STK39: variants seen among roughly 807,000 people sequenced by gnomAD.
The protein encoded by STK39 is STE20/SPS1-related proline-alanine-rich protein kinase.
A neutral mutation model predicts 77.8 loss-of-function variants in STK39; 20 were observed. That is an observed-to-expected ratio of 0.26 (90% CI 0.18 to 0.37). STK39 has a LOEUF of 0.37. Ranked by LOEUF, STK39 falls within the 10% of genes least tolerant of loss-of-function variation. The pLI is 1.00. For missense variants in STK39, 479 were observed against 656.5 expected (o/e 0.73, Z 2.95); for synonymous variants, 246 against 234.1 (o/e 1.05, Z -0.47).
intron 10 of STK39, among the ~76,000 whole-genome samples, chr2:168,127,537 T>C (rs975052341): frequency 2.0e-5 from 3 of 152,174 alleles, no homozygotes; most frequent in Non-Finnish European, 2.9e-5. Context: ...AAGGAAAGTA[T>C]GGGTTACACA....
chr2:168,147,931 G>A (rs1373780835), intron 5 of STK39, among the ~76,000 whole-genome samples: 5 of 152,130 alleles, frequency 3.3e-5, no homozygotes, highest in African/African-American at 1.2e-4. Context: ...TCTTCCAACT[G>A]CAATCCAGAC....
chr2:168,090,246 A>G (rs1686482171), intron 10 of STK39, among the ~76,000 whole-genome samples: 1 of 152,232 alleles, frequency 6.6e-6, no homozygotes, highest in Non-Finnish European at 1.5e-5. Context: ...CTGTGTCCCT[A>G]TATTTAGAGT....
intron 10 of STK39, among the ~76,000 whole-genome samples, chr2:168,127,613 C>T (rs1687577968): frequency 6.6e-6 from 1 of 152,138 alleles, no homozygotes. Context: ...TGAAATAGTG[C>T]CATAAATTCG....
At chr2:168,240,183 G>C (rs1009889783) in intron 1 of STK39, among the ~76,000 whole-genome samples, 2 of 152,210 alleles carry the variant, frequency 1.3e-5, no homozygotes, top group African/African-American at 2.4e-5. Context: ...CCACTGGCTG[G>C]AGAGTCTGTC....
chr2:168,056,900 T>C (rs1435933942), intron 14 of STK39, among the ~76,000 whole-genome samples: 1 of 152,120 alleles, frequency 6.6e-6, no homozygotes, highest in East Asian at 1.9e-4. Context: ...ATGCAAATGA[T>C]CCAAAGTAGA....
chr2:168,076,688 T>A lies in STK39; in HGVS notation c.1090-1457A>T, dbSNP rs578125678. 5.9e-3 allele frequency among the ~76,000 whole-genome samples: 897 copies of A among 152,110 alleles called. 8 individuals are homozygous for A. The highest frequency in any genetic ancestry group is 0.012 in the African/African-American group (486 of 41,500). On this transcript the variant is annotated intron_variant, in intron 10 of 17. Coordinates refer to ENST00000355999, the MANE Select transcript of STK39 (RefSeq NM_013233.3). ...GCAAATAGTTATGCTCATTTTTTTT[T>A]AAAAAAAGCTTTTTTCTCCAACCCC...
intron 5 of STK39, among the ~76,000 whole-genome samples, chr2:168,157,137 T>C (rs556134899): frequency 6.6e-6 from 1 of 152,256 alleles, no homozygotes; most frequent in Admixed American, 6.6e-5. Flanking sequence ...CTTTTAGTCA[T>C]GGGGTTTTCA....
At position 168,043,909 on chromosome 2, in the gene STK39, A is replaced by G. The variant is rs1040257057; in HGVS notation, c.1376+19591T>C. ...TAGAGTGAGAATCTCTTTATATAAA[A>G]TAATTCCCTACACTCGCAATTCTTT... is the stretch of plus-strand genomic sequence containing the variant. On this transcript the variant is annotated intron_variant, in intron 14 of 17. Coordinates refer to ENST00000355999, the MANE Select transcript of STK39 (RefSeq NM_013233.3). Among the ~76,000 whole-genome samples, 5 of 152,018 alleles carry G rather than the reference A, an allele frequency of 3.3e-5. 1 individual carries two copies. The highest frequency in any genetic ancestry group is 2.4e-5 in the African/African-American group (1 of 41,410).
In STK39 at chr2:167,955,489, A is replaced by G. The variant is rs1691738252; in HGVS notation, c.*7T>C. 3 of 1,613,578 alleles carry G rather than the reference A, an allele frequency of 1.9e-6. No individual in the cohort carries two copies. The highest frequency in any genetic ancestry group is 2.7e-5 in the African/African-American group (2 of 74,952). ...TGACAGATCAGGGTGACATCAAGGG[A>G]CATACATCAGCTGACACTCAACTGA... On this transcript the variant is annotated 3_prime_UTR_variant, in exon 18 of 18. Transcript: ENST00000355999.
chr2:168,102,929 CAAAAA>C (rs35442749), intron 10 of STK39, among the ~76,000 whole-genome samples: 1 of 50,082 alleles, frequency 2.0e-5, no homozygotes, highest in African/African-American at 7.1e-5. Context: ...GAATCCGTCT[CAAAAA>C]AAAAAAAAAA....
At chr2:168,004,300 A>G (rs190804064) in intron 16 of STK39, among the ~76,000 whole-genome samples, 4 of 152,342 alleles carry the variant, frequency 2.6e-5, no homozygotes, top group East Asian at 1.9e-4. Context: ...GTTAACTGGC[A>G]CAGTTTTAAA....
chr2:168,152,680 A>G (rs1390069912), intron 5 of STK39, among the ~76,000 whole-genome samples: 1 of 152,230 alleles, frequency 6.6e-6, no homozygotes, highest in East Asian at 1.9e-4. Context: ...TGAAGGAACT[A>G]TTGTGCTGAA....
At chr2:168,045,803 C>T (rs559518020) in intron 14 of STK39, among the ~76,000 whole-genome samples, 3 of 152,296 alleles carry the variant, frequency 2.0e-5, no homozygotes, top group Non-Finnish European at 4.4e-5. Flanking sequence ...GCCCCAACCA[C>T]GACATCTGAC....
intron 1 of STK39, among the ~76,000 whole-genome samples, chr2:168,218,429 G>A (rs72876964): frequency 0.028 from 4,192 of 152,262 alleles, 105 homozygotes; most frequent in East Asian, 0.081. Context: ...AATAGTGACC[G>A]TAGGGCACAG....
chr2:168,088,450 TC>T (rs1286636349), intron 10 of STK39, among the ~76,000 whole-genome samples: 1 of 152,148 alleles, frequency 6.6e-6, no homozygotes, highest in Non-Finnish European at 1.5e-5. Context: ...ATATGCCTCT[TC>T]CATGTGAAAA....
Position 168,065,400 on chromosome 2 carries a change from T to C in STK39, c.1243-19A>G. On this transcript the variant is annotated intron_variant, in intron 12 of 17. Transcript: ENST00000355999. Reference sequence around the variant, plus strand: ...CTGCAATCTGTTACGAGAGCCACCGTTACAGCATTCAAGAAAGCCAAAGGG... The same window carrying C: ...CTGCAATCTGTTACGAGAGCCACCGCTACAGCATTCAAGAAAGCCAAAGGG... 1.9e-6 allele frequency: 3 copies of C among 1,613,894 alleles called. No homozygotes were observed. Among genetic ancestry groups the C allele is most frequent in the Non-Finnish European group, 2.5e-6 (3 of 1,179,790 alleles).
intron 16 of STK39, among the ~76,000 whole-genome samples, chr2:167,978,780 C>T (rs1034075815): frequency 1.3e-5 from 2 of 152,114 alleles, no homozygotes; most frequent in African/African-American, 2.4e-5. Context: ...CTTCCTGATC[C>T]GCTGCCTTCT....
At chr2:168,196,334 T>A (rs182762999) in intron 1 of STK39, among the ~76,000 whole-genome samples, 1 of 152,212 alleles carries the variant, frequency 6.6e-6, no homozygotes, top group East Asian at 1.9e-4. Flanking sequence ...CTTCCTAGAG[T>A]TTACATTTTA....
intron 1 of STK39, among the ~76,000 whole-genome samples, chr2:168,224,677 T>A (rs1690261240): frequency 6.6e-6 from 1 of 152,182 alleles, no homozygotes; most frequent in Non-Finnish European, 1.5e-5. Flanking sequence ...CACTGCATAG[T>A]TTTTAATAAA....
Sources: gnomAD v4.1 joint callset for allele counts (sites outside exome capture counted in the v4.1 genomes callset) on GRCh38, gnomAD v4.1.1 for gene constraint, MANE v1.5 for transcripts, NCBI Gene and HGNC (gene_info 2026-07-23, HGNC 2026-07-21) for gene names.